Variants in SCHIP1 observed in about 807,000 individuals in gnomAD.
SCHIP1 encodes schwannomin-interacting protein 1.
In SCHIP1, 8 loss-of-function variants were observed where a neutral mutation model predicts 29.7. That is an observed-to-expected ratio of 0.27 (90% CI 0.16 to 0.49). The LOEUF is 0.49. Among genes scored for constraint, SCHIP1 ranks in the 20% least tolerant of loss-of-function variants. The probability of loss-of-function intolerance (pLI) is 0.99; values close to 1 mark genes in which losing one functional copy is unlikely to be tolerated. For missense variants in SCHIP1, 193 were observed against 294.6 expected (o/e 0.66, Z 2.52); for synonymous variants, 76 against 94.9 (o/e 0.80, Z 1.16).
At chr3:159,423,284 A>G in the SCHIP1 span, among the ~76,000 whole-genome samples, 1 of 152,242 alleles carries the variant, frequency 6.6e-6, no homozygotes, top group Non-Finnish European at 1.5e-5. Flanking sequence ...TCAAGGGGTC[A>G]AGGAGTTCCC....
chr3:159,821,194 G>T, the SCHIP1 span, among the ~76,000 whole-genome samples: 1 of 152,100 alleles, frequency 6.6e-6, no homozygotes, highest in East Asian at 1.9e-4. Flanking sequence ...GATTTAGGAT[G>T]GTGTAGCATG....
the SCHIP1 span, among the ~76,000 whole-genome samples, chr3:159,468,777 A>ATATATTTTTTT: frequency 7.9e-6 from 1 of 127,350 alleles, no homozygotes; most frequent in African/African-American, 3.0e-5. Context: ...ATATATATAT[A>ATATATTTTTTT]TTTTTTTTAG....
chr3:159,857,890 G>C (rs756314951), intron 1 of SCHIP1, among the ~76,000 whole-genome samples: 12 of 152,126 alleles, frequency 7.9e-5, no homozygotes, highest in African/African-American at 1.9e-4. Flanking sequence ...TCAGTAACTC[G>C]TAGTAATGTC....
chr3:159,493,878 A>G, the SCHIP1 span, among the ~76,000 whole-genome samples: 2 of 152,124 alleles, frequency 1.3e-5, no homozygotes, highest in African/African-American at 4.8e-5. Context: ...CAAATGTAAA[A>G]GAACAGAAAT....
chr3:159,830,135 A>G, the SCHIP1 span, among the ~76,000 whole-genome samples: 22 of 152,236 alleles, frequency 1.4e-4, no homozygotes. Context: ...ATGTGGCACA[A>G]CCAAACAAAA....
chr3:159,552,767 A>G, the SCHIP1 span, among the ~76,000 whole-genome samples: 1 of 152,252 alleles, frequency 6.6e-6, no homozygotes, highest in Admixed American at 6.5e-5. Context: ...ATTATAAAGT[A>G]GTGTTAAAAT....
the SCHIP1 span, among the ~76,000 whole-genome samples, chr3:159,779,450 C>T: frequency 1.3e-5 from 2 of 151,160 alleles, no homozygotes; most frequent in Non-Finnish European, 2.9e-5. Flanking sequence ...GGCAGATCAC[C>T]TTGAGGTCAG....
the SCHIP1 span, among the ~76,000 whole-genome samples, chr3:159,527,483 C>G: frequency 4.6e-5 from 7 of 152,284 alleles, no homozygotes. Flanking sequence ...GACTAAACAA[C>G]AAAACTCTCT....
chr3:159,674,928 G>A, the SCHIP1 span, among the ~76,000 whole-genome samples: 1 of 152,176 alleles, frequency 6.6e-6, no homozygotes, highest in Admixed American at 6.5e-5. Context: ...TTAAGGTTGG[G>A]AGCAACTTTG....
chr3:159,531,618 T>G, the SCHIP1 span, among the ~76,000 whole-genome samples: 2 of 152,152 alleles, frequency 1.3e-5, no homozygotes, highest in Non-Finnish European at 2.9e-5. Context: ...AATTAATCAA[T>G]CAATGCAAAA....
At chr3:159,874,866 T>A in intron 2 of SCHIP1, among the ~76,000 whole-genome samples, 1 of 152,210 alleles carries the variant, frequency 6.6e-6, no homozygotes, top group East Asian at 1.9e-4. Flanking sequence ...ACATGCAACA[T>A]ATCTTTAACA....
chr3:159,590,668 G>A, the SCHIP1 span, among the ~76,000 whole-genome samples: 2 of 152,012 alleles, frequency 1.3e-5, no homozygotes, highest in Non-Finnish European at 2.9e-5. Context: ...TCCCTGTGTA[G>A]CCTTTTCAGC....
chr3:159,387,919 G>T, the SCHIP1 span, among the ~76,000 whole-genome samples: 1 of 152,060 alleles, frequency 6.6e-6, no homozygotes, highest in South Asian at 2.1e-4. Context: ...AGAAAATTCA[G>T]TTATCTCAAT....
chr3:159,455,884 A>C, the SCHIP1 span, among the ~76,000 whole-genome samples: 1 of 152,172 alleles, frequency 6.6e-6, no homozygotes, highest in Non-Finnish European at 1.5e-5. Flanking sequence ...GGTTGGACTT[A>C]GGGCAGAGGC....
chr3:159,803,548 AC>A, the SCHIP1 span, among the ~76,000 whole-genome samples: 1 of 152,172 alleles, frequency 6.6e-6, no homozygotes, highest in Non-Finnish European at 1.5e-5. Flanking sequence ...TACAAATAAG[AC>A]CTACCTAAGG....
At chr3:159,397,632 TG>T in the SCHIP1 span, among the ~76,000 whole-genome samples, 1 of 152,254 alleles carries the variant, frequency 6.6e-6, no homozygotes, top group East Asian at 1.9e-4. Context: ...TTAGGCTGCT[TG>T]GGGGTCAGGG....
At chr3:159,653,035 G>C in the SCHIP1 span, among the ~76,000 whole-genome samples, 2 of 152,172 alleles carry the variant, frequency 1.3e-5, no homozygotes, top group African/African-American at 4.8e-5. Context: ...AGGGGATGAA[G>C]AGTTTGATCA....
the SCHIP1 span, among the ~76,000 whole-genome samples, chr3:159,756,958 C>T: frequency 6.6e-6 from 1 of 152,354 alleles, no homozygotes; most frequent in South Asian, 2.1e-4. Context: ...GTCCATATCA[C>T]TATCAGCATT....
chr3:159,315,850 T>C, the SCHIP1 span, among the ~76,000 whole-genome samples: 1 of 149,664 alleles, frequency 6.7e-6, no homozygotes, highest in Non-Finnish European at 1.5e-5. Flanking sequence ...ACATAAAACA[T>C]ACTCATCAGT....
Sources: allele counts gnomAD v4.1 joint callset (sites outside exome capture counted in the v4.1 genomes callset), GRCh38; gene constraint gnomAD v4.1.1; transcripts MANE v1.5; gene names NCBI Gene and HGNC (gene_info 2026-07-23, HGNC 2026-07-21).